The following GALNT9 variants were observed in gnomAD, a reference collection of about 807,000 sequenced individuals.
The protein encoded by GALNT9 is GalNAc transferase 9.
A neutral mutation model predicts 63.1 loss-of-function variants in GALNT9; 47 were observed. That is an observed-to-expected ratio of 0.75 (90% CI 0.59 to 0.95). The LOEUF (loss-of-function observed/expected upper bound fraction) is 0.95. Among genes scored for constraint, GALNT9 ranks in the 40% least tolerant of loss-of-function variants. The pLI is 0.00. For missense variants in GALNT9, 829 were observed against 874.8 expected (o/e 0.95, Z 0.66); for synonymous variants, 396 against 365.7 (o/e 1.08, Z -0.94).
chr12:132,313,793 TCCAC>T (rs1881911818), intron 1 of GALNT9, among the ~76,000 whole-genome samples: 3 of 65,922 alleles, frequency 4.6e-5, no homozygotes, highest in Admixed American at 1.5e-4. Flanking sequence ...CATCCACCCA[TCCAC>T]CCACCCATCC....
At position 132,252,347 on chromosome 12, in the gene GALNT9, G is replaced by A. The variant is rs961349635; in HGVS notation, c.960-4320C>T. 8.5e-5 allele frequency among the ~76,000 whole-genome samples: 13 copies of A among 152,202 alleles called. No individual in the cohort carries two copies. The highest frequency in any genetic ancestry group is 1.8e-4 in the Non-Finnish European group (12 of 68,028). Reference sequence around the variant, plus strand: ...ACTGAAGCCTTCGTGTCTTGCGGACGCCGACACTGACATTTAATGTTATTT... The same window carrying A: ...ACTGAAGCCTTCGTGTCTTGCGGACACCGACACTGACATTTAATGTTATTT... On this transcript the variant is annotated intron_variant, in intron 5 of 10. Coordinates refer to ENST00000328957, the MANE Select transcript of GALNT9 (RefSeq NM_001122636.2). This position sits in a 1 kb window ranked among gnomAD's most constrained non-coding sequence, Gnocchi z 5.2.
At chr12:132,303,402 C>CACAGAATCGCCCAGAT (rs1881391733) in intron 1 of GALNT9, among the ~76,000 whole-genome samples, 1 of 144,020 alleles carries the variant, frequency 6.9e-6, no homozygotes, top group Non-Finnish European at 1.5e-5. Context: ...CTCGCCCGGG[C>CACAGAATCGCCCAGAT]ACACCCTCAC....
At chr12:132,222,998 A>AACTCG (rs1877524246) in intron 6 of GALNT9, among the ~76,000 whole-genome samples, 1 of 124,842 alleles carries the variant, frequency 8.0e-6, no homozygotes, top group African/African-American at 3.1e-5. Context: ...CACCCCACAT[A>AACTCG]CACCCCACAC....
At chr12:132,254,185 C>A (rs148384817) in intron 5 of GALNT9, among the ~76,000 whole-genome samples, 2 of 152,122 alleles carry the variant, frequency 1.3e-5, no homozygotes, top group East Asian at 1.9e-4. Flanking sequence ...CCACGCCCTG[C>A]GAATTTTTGT....
Position 132,329,378 on chromosome 12 carries a change from G to A in GALNT9, c.-175C>T. The stretch of plus-strand genomic sequence containing the variant: ...CAGCGCGCCGGGCCACGGCCGCCGG[G>A]GGTCCCCCAGAGCGCAGAGGGCTGC... On this transcript the variant is annotated 5_prime_UTR_variant, in exon 1 of 11. Coordinates refer to ENST00000328957, the MANE Select transcript of GALNT9 (RefSeq NM_001122636.2). 1.0e-6 allele frequency: 1 copy of A among 978,794 alleles called. No individual in the cohort carries two copies. Among genetic ancestry groups the A allele is most frequent in the Non-Finnish European group, 1.4e-6 (1 of 731,646 alleles). 60.6% of individuals were successfully genotyped at this position (978,794 alleles called of 1,614,324 possible). A position where few individuals can be genotyped will look rare whatever the true frequency, so the allele number is the denominator to read the frequency against.
At chr12:132,292,602 A>G (rs541870579) in intron 1 of GALNT9, among the ~76,000 whole-genome samples, 4 of 152,336 alleles carry the variant, frequency 2.6e-5, no homozygotes, top group Admixed American at 6.5e-5. Context: ...AACACTGCGC[A>G]GAATGTGGGA....
chr12:132,315,369 C>A lies in GALNT9; in HGVS notation c.238+13597G>T, dbSNP rs892020887. 4.6e-5 allele frequency among the ~76,000 whole-genome samples: 7 copies of A among 151,986 alleles called. No individual in the cohort carries two copies. The highest frequency in any genetic ancestry group is 1.0e-4 in the Non-Finnish European group (7 of 68,032). On this transcript the variant is annotated intron_variant, in intron 1 of 10. Coordinates refer to ENST00000328957, the MANE Select transcript of GALNT9 (RefSeq NM_001122636.2). This position sits in a 1 kb window ranked among gnomAD's most constrained non-coding sequence, Gnocchi z 6.1. ...TCAGAATATAATCAGGGCGGCCTCC[C>A]CCGTGTCCACTGCAAAGTGCTCGAG...
intron 1 of GALNT9, among the ~76,000 whole-genome samples, chr12:132,309,806 G>T (rs1317407895): frequency 1.3e-5 from 2 of 152,236 alleles, no homozygotes; most frequent in Non-Finnish European, 2.9e-5. Context: ...AATCGCACAG[G>T]AGGGCAGAGA....
intron 2 of GALNT9, among the ~76,000 whole-genome samples, chr12:132,285,434 G>A (rs1391518923): frequency 3.3e-5 from 5 of 152,258 alleles, no homozygotes; most frequent in African/African-American, 1.2e-4. Context: ...TCTGGCGCTT[G>A]TCGCGGCTAC....
Position 132,245,494 on chromosome 12 carries a change from G to C in GALNT9, c.1077+2416C>G, listed in dbSNP as rs1308058551. 6.6e-6 allele frequency among the ~76,000 whole-genome samples: 1 copy of C among 152,004 alleles called. No homozygotes were observed. Among genetic ancestry groups the C allele is most frequent in the East Asian group, 1.9e-4 (1 of 5,150 alleles). ...GAGACGGGAGGGAAGCTCTCCAACGGCTGCAGCCAGGGCCCTCTGTGGTCC... is the reference window on the plus strand; with the variant it reads ...GAGACGGGAGGGAAGCTCTCCAACGCCTGCAGCCAGGGCCCTCTGTGGTCC... On this transcript the variant is annotated intron_variant, in intron 6 of 10. Transcript: ENST00000328957. This position sits in a 1 kb window ranked among gnomAD's most constrained non-coding sequence, Gnocchi z 6.3.
At chr12:132,324,137 GTTTCCAAAATGGAAACGC>G (rs1437542501) in intron 1 of GALNT9, among the ~76,000 whole-genome samples, 5 of 152,342 alleles carry the variant, frequency 3.3e-5, no homozygotes, top group African/African-American at 1.2e-4. Context: ...TTCTCAAAGC[GTTTCCAAAATGGAAACGC>G]TTACGCAGAG....
chr12:132,327,920 C>T lies in GALNT9; in HGVS notation c.238+1046G>A, dbSNP rs1869108018. Among the ~76,000 whole-genome samples, 2 of 151,926 alleles carry T rather than the reference C, an allele frequency of 1.3e-5. No homozygotes were observed. The highest frequency in any genetic ancestry group is 6.6e-5 in the Admixed American group (1 of 15,262). Reference sequence around the variant, plus strand: ...TGCCCCCACACACAGCAGGCACATCCGGAGCCCCCGCCTGCCCGCGTAACC... The same window carrying T: ...TGCCCCCACACACAGCAGGCACATCTGGAGCCCCCGCCTGCCCGCGTAACC... On this transcript the variant is annotated intron_variant, in intron 1 of 10. Coordinates refer to ENST00000328957, the MANE Select transcript of GALNT9 (RefSeq NM_001122636.2). This position sits in a 1 kb window ranked among gnomAD's most constrained non-coding sequence, Gnocchi z 4.3.
In GALNT9 at chr12:132,329,290, A is replaced by T; in HGVS notation, c.-87T>A. The T allele has an allele frequency of 4.1e-6, 6 of 1,471,680 alleles. No individual in the cohort carries two copies. The highest frequency in any genetic ancestry group is 5.4e-6 in the Non-Finnish European group (6 of 1,106,768). The allele number at this position is 1,471,680 out of a possible 1,614,324, so 91.2% of individuals were successfully genotyped here. ...GGCTTCAGCTTCGGCTTCGGGGACC[A>T]TGAGCCGCCCGGGGCTGCGGGGGCT... is the stretch of plus-strand genomic sequence containing the variant. On this transcript the variant is annotated 5_prime_UTR_variant, in exon 1 of 11. An upstream start codon of the reference 5' UTR is lost. Coordinates refer to ENST00000328957, the MANE Select transcript of GALNT9 (RefSeq NM_001122636.2).
At chr12:132,289,595 C>A (rs1555242509) in intron 1 of GALNT9, among the ~76,000 whole-genome samples, 2 of 152,218 alleles carry the variant, frequency 1.3e-5, no homozygotes, top group Admixed American at 6.5e-5. Context: ...CTGTGGTCAC[C>A]CGTCACTTGC....
intron 5 of GALNT9, among the ~76,000 whole-genome samples, chr12:132,257,452 A>G (rs74918903): frequency 0.83 from 113,292 of 136,286 alleles, 48,350 homozygotes; most frequent in Non-Finnish European, 0.91. Context: ...CCATGCCCTC[A>G]TCCCCGGCCC....
At chr12:132,239,263 C>G (rs957908745) in intron 6 of GALNT9, among the ~76,000 whole-genome samples, 6 of 149,958 alleles carry the variant, frequency 4.0e-5, no homozygotes, top group Non-Finnish European at 8.9e-5. Context: ...GACTGAGAGA[C>G]AGAGAGACAC....
chr12:132,226,631 ACATGCACCC>A (rs1480097969), intron 6 of GALNT9, among the ~76,000 whole-genome samples: 13 of 98,526 alleles, frequency 1.3e-4, no homozygotes, highest in African/African-American at 3.9e-4. Flanking sequence ...TACACACCCC[ACATGCACCC>A]CATGCACCCC....
intron 3 of GALNT9, among the ~76,000 whole-genome samples, chr12:132,261,839 G>A (rs913640250): frequency 1.3e-5 from 2 of 152,248 alleles, no homozygotes; most frequent in Non-Finnish European, 2.9e-5. Flanking sequence ...CAAGATCCTT[G>A]TTTGGGGTTT....
intron 1 of GALNT9, among the ~76,000 whole-genome samples, chr12:132,303,230 A>T (rs974926664): frequency 4.0e-5 from 6 of 151,896 alleles, no homozygotes; most frequent in African/African-American, 1.5e-4. Flanking sequence ...AGGCGCCCTG[A>T]GTGGATTCGT....
Sources: allele counts gnomAD v4.1 joint callset (sites outside exome capture counted in the v4.1 genomes callset), GRCh38; gene constraint gnomAD v4.1.1; non-coding constraint Gnocchi (gnomAD v3.1); transcripts MANE v1.5; gene names NCBI Gene and HGNC (gene_info 2026-07-23, HGNC 2026-07-21).